The following SP140 variants were observed in gnomAD, a reference collection of about 807,000 sequenced individuals.
SP140 encodes SP140 nuclear body protein.
SP140 carries 81 observed loss-of-function variants against 125.0 expected under a neutral mutation model. That is an observed-to-expected ratio of 0.65 (90% confidence interval 0.54 to 0.78). The LOEUF (loss-of-function observed/expected upper bound fraction) is 0.78. Ranked by LOEUF, SP140 falls within the 30% of genes least tolerant of loss-of-function variation. The pLI is 0.00. For synonymous variants in SP140, 312 were observed against 354.0 expected, an observed-to-expected ratio of 0.88 and a Z score of 1.33; for missense variants, 858 against 1,037.0, an observed-to-expected ratio of 0.83 and a Z score of 2.37.
intron 13 of SP140, 76 bp downstream of exon 13, chr2:230,269,694 TAAAG>T: frequency 1.8e-6 from 2 of 1,129,220 alleles, no homozygotes; most frequent in Non-Finnish European, 2.6e-6. Flanking sequence ...AAAATAGACT[TAAAG>T]GAAGAGTCAA....
chr2:230,192,872 T>A, the SP140 span, among the ~76,000 whole-genome samples: 1 of 152,242 alleles, frequency 6.6e-6, no homozygotes, highest in African/African-American at 2.4e-5. Flanking sequence ...GTCCATTTGT[T>A]CTAGAGTGTA....
intron 1 of SP140, among the ~76,000 whole-genome samples, chr2:230,231,629 A>G (rs7576496): frequency 0.094 from 14,285 of 152,156 alleles, 887 homozygotes; most frequent in Non-Finnish European, 0.12. Flanking sequence ...GTGGTCTATA[A>G]TCTTATGATT....
At position 230,307,889 on chromosome 2, in the gene SP140, C is replaced by T. The variant is rs184854146; in HGVS notation, c.2059-2035C>T. Among the ~76,000 whole-genome samples the T allele has an allele frequency of 2.9e-3, 423 of 147,772 alleles. 2 individuals are homozygous for T. The highest frequency in any genetic ancestry group is 0.018 in the Middle Eastern group (5 of 282). On this transcript the variant is annotated intron_variant, in intron 22 of 26. Coordinates refer to ENST00000392045, the MANE Select transcript of SP140 (RefSeq NM_007237.5). ...AGAAAAAGCAATACCCCAAGGATTC[C>T]GTAACACTACTGGGTGTCTACCTAG...
intron 1 of SP140, among the ~76,000 whole-genome samples, chr2:230,204,021 A>G (rs2043481760): frequency 6.6e-6 from 1 of 152,216 alleles, no homozygotes; most frequent in Non-Finnish European, 1.5e-5. Context: ...TTACCCAGGT[A>G]AAAAATTGGA....
At chr2:230,198,163 A>G (rs1384669567), upstream of SP140, among the ~76,000 whole-genome samples, 1 of 138,850 alleles carries the variant, frequency 7.2e-6, no homozygotes, top group East Asian at 2.2e-4. Context: ...GCTGTCCTCT[A>G]TGTGGTAGGT....
At chr2:230,288,361 C>A (rs780723328) in intron 18 of SP140, among the ~76,000 whole-genome samples, 12 of 152,334 alleles carry the variant, frequency 7.9e-5, no homozygotes, top group Non-Finnish European at 1.3e-4. Context: ...TGTCCTAAGA[C>A]TTTCTTTTTC....
At chr2:230,240,996 G>A (rs564035183) in intron 3 of SP140, among the ~76,000 whole-genome samples, 1 of 152,244 alleles carries the variant, frequency 6.6e-6, no homozygotes, top group East Asian at 1.9e-4. Flanking sequence ...ATCACATAGA[G>A]CAACATGGAT....
At chr2:230,266,928 C>T (rs529260227) in intron 12 of SP140, among the ~76,000 whole-genome samples, 40 of 152,314 alleles carry the variant, frequency 2.6e-4, no homozygotes, top group African/African-American at 9.1e-4. Flanking sequence ...ATTAGTCTCT[C>T]TTAAGGACAG....
Position 230,297,685 on chromosome 2 carries a change from T to A in SP140, c.2058+223T>A, listed in dbSNP as rs143346497. Among the ~76,000 whole-genome samples the A allele has an allele frequency of 5.9e-5, 9 of 152,352 alleles. No homozygotes were observed. The East Asian group carries it at 1.7e-3, about 29-fold the overall frequency. ...ATCTGTTTCAGTAGAAACCTTCCAA[T>A]GTCCTTATTTCCCCTGGAAAGTGAG... On this transcript the variant is annotated intron_variant, in intron 22 of 26. Coordinates refer to ENST00000392045, the MANE Select transcript of SP140 (RefSeq NM_007237.5).
chr2:230,291,213 A>G (rs760278413), intron 19 of SP140, among the ~76,000 whole-genome samples: 12 of 152,262 alleles, frequency 7.9e-5, no homozygotes, highest in Non-Finnish European at 1.3e-4. Flanking sequence ...ACCAATCTTA[A>G]TATGACTCTT....
rs4972946 is a variant in SP140, at chr2:230,284,393, G to A, written c.1546G>A (p.Glu516Lys). 1,480,022 of 1,608,016 alleles carry A rather than the reference G, an allele frequency of 0.92. 682,119 individuals are homozygous for A. The highest frequency in any genetic ancestry group is 1 in the East Asian group (44,695 of 44,718). The change falls in exon 16 of 27, where the codon GAA (glutamate) becomes AAA (lysine). Residue 516 changes from glutamate to lysine, a missense_variant. By Grantham distance (56) the Glu-to-Lys change is moderately conservative. Coordinates refer to ENST00000392045, the MANE Select transcript of SP140 (RefSeq NM_007237.5). ...GAGCAGAATGAGAATGAGAAGGCAG[G>A]AAAACAGCCAACAAAATGGTAAGCA... ...GWSRMRMRRQ[E>K]NSQQNDNSKA...
At position 230,297,534 on chromosome 2, in the gene SP140, G is replaced by T; in HGVS notation, c.2058+72G>T. The T allele has an allele frequency of 1.9e-6, 3 of 1,544,504 alleles. No individual in the cohort carries two copies. In the South Asian group the frequency reaches 3.4e-5, roughly 17 times the overall value. On this transcript the variant is annotated intron_variant, in intron 22 of 26. Transcript: ENST00000392045. Reference sequence around the variant, plus strand: ...TCTCCAGGCATATGTTCTGTGTCATGACTGCTGTTGCCTGAATCATGTTCA... The same window carrying T: ...TCTCCAGGCATATGTTCTGTGTCATTACTGCTGTTGCCTGAATCATGTTCA...
intron 20 of SP140, among the ~76,000 whole-genome samples, chr2:230,293,811 G>A (rs1238712198): frequency 6.6e-6 from 1 of 152,116 alleles, no homozygotes; most frequent in Non-Finnish European, 1.5e-5. Flanking sequence ...TTCATTCACT[G>A]TTTTATATTT....
chr2:230,217,008 G>A, intron 3 of SP140: 4 of 1,196,876 alleles, frequency 3.3e-6, no homozygotes, highest in Non-Finnish European at 4.8e-6. Context: ...CACTTTGGGA[G>A]GCCGAGGTGG....
chr2:230,200,755 A>T (rs1235941793), upstream of SP140: 2 of 750,380 alleles, frequency 2.7e-6, no homozygotes, highest in Admixed American at 2.2e-5. Flanking sequence ...AAGAAAAAAA[A>T]ATCCAGAAGG....
chr2:230,245,789 A>G lies in SP140; in HGVS notation c.665-74A>G, dbSNP rs1016414379. 6.5e-6 allele frequency: 6 copies of G among 928,688 alleles called. No individual in the cohort carries two copies. The East Asian group carries it at 1.2e-4, about 19-fold the overall frequency. 57.5% of individuals were successfully genotyped at this position (928,688 alleles called of 1,614,324 possible). A position where few individuals can be genotyped will look rare whatever the true frequency, so the allele number is the denominator to read the frequency against. On this transcript the variant is annotated intron_variant, in intron 6 of 26. Transcript: ENST00000392045. ...GGGAGCAGTTCTACACCCGAATATT[A>G]GAGCTCAGCATGGATCCAGGTAGGT...
In SP140 at chr2:230,203,281, T is replaced by C. The variant is rs1233277694; in HGVS notation, c.-323+2T>C. The stretch of plus-strand genomic sequence containing the variant: ...GGTGCAATGCCAGAGGGTGCAGAGG[T>C]GAGTTTGCTTCATTGTGGAAAAAGA... On this transcript the variant is annotated splice_donor_variant, in intron 1 of 4. Coordinates refer to the SP140 transcript ENST00000456542. LOFTEE classifies it low-confidence loss of function (5UTR_SPLICE). 1 of 162,012 alleles carries C rather than the reference T, an allele frequency of 6.2e-6. No individual in the cohort carries two copies. Among genetic ancestry groups the C allele is most frequent in the South Asian group, 1.6e-4 (1 of 6,254 alleles). The allele number at this position is 162,012 out of a possible 1,614,324, so 10.0% of individuals were successfully genotyped here.
upstream of SP140, among the ~76,000 whole-genome samples, chr2:230,224,337 A>T (rs1052939759): frequency 2.0e-4 from 31 of 151,952 alleles, no homozygotes; most frequent in Non-Finnish European, 4.6e-4. Flanking sequence ...TATAGTCTGT[A>T]CCAGGCCTTG....
chr2:230,200,823 G>T, upstream of SP140: 1 of 1,244,508 alleles, frequency 8.0e-7, no homozygotes, highest in Non-Finnish European at 1.2e-6. Flanking sequence ...CTCAGTGTAA[G>T]ACAGCTCTGA....
Sources: gnomAD v4.1 joint callset for allele counts (sites outside exome capture counted in the v4.1 genomes callset) on GRCh38, gnomAD v4.1.1 for gene constraint, MANE v1.5 for transcripts, NCBI Gene and HGNC (gene_info 2026-07-23, HGNC 2026-07-21) for gene names.